The following TANC2 variants were observed in gnomAD, a reference collection of about 807,000 sequenced individuals.
The protein encoded by TANC2 is protein TANC2.
TANC2 carries 26 observed loss-of-function variants against 210.5 expected under a neutral mutation model. That is an observed-to-expected ratio of 0.12 (90% CI 0.09 to 0.17). The LOEUF (loss-of-function observed/expected upper bound fraction) is 0.17, where lower values mean the gene tolerates loss of function less well. Ranked by LOEUF, TANC2 falls within the 10% of genes least tolerant of loss-of-function variation. TANC2 has a pLI of 1.00. For synonymous variants in TANC2, 931 were observed against 967.1 expected (o/e 0.96, Z 0.69); for missense variants, 2,129 against 2,608.9 (o/e 0.82, Z 4.01).
At chr17:63,023,820 T>C (rs1304179522) in intron 2 of TANC2, among the ~76,000 whole-genome samples, 4 of 152,186 alleles carry the variant, frequency 2.6e-5, no homozygotes, top group African/African-American at 9.7e-5. Flanking sequence ...TAAAATAAAA[T>C]GTGACTGGAG....
intron 4 of TANC2, among the ~76,000 whole-genome samples, chr17:63,137,354 T>G (rs560851202): frequency 4.6e-5 from 7 of 152,336 alleles, no homozygotes; most frequent in Non-Finnish European, 8.8e-5. Context: ...TGATTTCTTT[T>G]GTGTTGTATA....
chr17:63,413,004 A>T (rs2048750853), intron 24 of TANC2, among the ~76,000 whole-genome samples: 1 of 152,080 alleles, frequency 6.6e-6, no homozygotes, highest in Non-Finnish European at 1.5e-5. Flanking sequence ...TTCACATCTG[A>T]TTGACATTCG....
At chr17:63,034,838 C>T (rs1247617960) in intron 2 of TANC2, among the ~76,000 whole-genome samples, 1 of 152,170 alleles carries the variant, frequency 6.6e-6, no homozygotes, top group Non-Finnish European at 1.5e-5. Context: ...TGAGAAGTTA[C>T]TTACAGATGT....
intron 2 of TANC2, among the ~76,000 whole-genome samples, chr17:63,029,246 A>G (rs1333507545): frequency 1.3e-5 from 2 of 152,042 alleles, no homozygotes; most frequent in African/African-American, 2.4e-5. Flanking sequence ...TAAAGATTTT[A>G]TTTTTGGACT....
intron 5 of TANC2, among the ~76,000 whole-genome samples, chr17:63,162,767 A>G (rs1297053761): frequency 6.6e-6 from 1 of 152,114 alleles, no homozygotes; most frequent in East Asian, 1.9e-4. Context: ...TAACCAGCTG[A>G]AAGTGAGGAT....
chr17:63,212,998 T>C (rs1475170442), intron 7 of TANC2, among the ~76,000 whole-genome samples: 1 of 152,242 alleles, frequency 6.6e-6, no homozygotes, highest in Non-Finnish European at 1.5e-5. Flanking sequence ...GTAACTAATA[T>C]TGTCACCCTT....
intron 11 of TANC2, among the ~76,000 whole-genome samples, chr17:63,319,575 C>A (rs2045429269): frequency 1.3e-5 from 2 of 152,116 alleles, no homozygotes; most frequent in Non-Finnish European, 2.9e-5. Flanking sequence ...TCTCTCAAAC[C>A]CCTTATCTCA....
chr17:63,279,107 C>G (rs949993695), intron 9 of TANC2, among the ~76,000 whole-genome samples: 6 of 152,074 alleles, frequency 3.9e-5, no homozygotes, highest in Non-Finnish European at 8.8e-5. Context: ...AGCCTCTCCC[C>G]CTATGGAAGA....
intron 3 of TANC2, among the ~76,000 whole-genome samples, chr17:63,098,781 A>G (rs1415071452): frequency 6.6e-6 from 1 of 152,028 alleles, no homozygotes; most frequent in Non-Finnish European, 1.5e-5. Context: ...GGAGAAAGAA[A>G]TAGAGTTACA....
chr17:63,080,445 A>G (rs985645564), intron 3 of TANC2, among the ~76,000 whole-genome samples: 1 of 152,254 alleles, frequency 6.6e-6, no homozygotes, highest in African/African-American at 2.4e-5. Flanking sequence ...CTGGTGTACA[A>G]GATGTGTACT....
intron 9 of TANC2, among the ~76,000 whole-genome samples, chr17:63,276,941 A>G (rs1029428588): frequency 2.0e-5 from 3 of 152,220 alleles, no homozygotes; most frequent in African/African-American, 7.2e-5. Flanking sequence ...TAATAGCAGT[A>G]CATTGGCTTA....
intron 12 of TANC2, among the ~76,000 whole-genome samples, chr17:63,347,560 A>G (rs999044588): frequency 6.6e-6 from 1 of 152,212 alleles, no homozygotes; most frequent in African/African-American, 2.4e-5. Context: ...AACACTTTCA[A>G]TTTAGAGTCA....
chr17:63,069,442 T>C (rs1238871625), intron 2 of TANC2, among the ~76,000 whole-genome samples: 1 of 152,128 alleles, frequency 6.6e-6, no homozygotes, highest in South Asian at 2.1e-4. Flanking sequence ...ATTTAGAGAC[T>C]ACAAAGTGCT....
At chr17:63,335,827 A>G (rs935184159) in intron 11 of TANC2, among the ~76,000 whole-genome samples, 2 of 152,264 alleles carry the variant, frequency 1.3e-5, no homozygotes, top group African/African-American at 4.8e-5. Context: ...TAATTTTGCT[A>G]TGGTTATGTA....
At chr17:63,177,750 C>T (rs2145624144) in intron 5 of TANC2, among the ~76,000 whole-genome samples, 1 of 152,200 alleles carries the variant, frequency 6.6e-6, no homozygotes, top group Non-Finnish European at 1.5e-5. Flanking sequence ...GGGGTATCAG[C>T]CAGGAGCTTC....
intron 4 of TANC2, among the ~76,000 whole-genome samples, chr17:63,116,580 G>A (rs574651229): frequency 2.6e-5 from 4 of 152,308 alleles, no homozygotes; most frequent in East Asian, 3.9e-4. Flanking sequence ...AGTGAAGTAA[G>A]TGTCTTTTGA....
intron 2 of TANC2, among the ~76,000 whole-genome samples, chr17:63,018,492 A>T (rs954776366): frequency 2.0e-5 from 3 of 150,090 alleles, no homozygotes; most frequent in East Asian, 2.0e-4. Context: ...AAAAAAAAAA[A>T]TAAATAAATA....
At chr17:62,973,190 C>A (rs538358755) in intron 1 of TANC2, among the ~76,000 whole-genome samples, 17 of 152,132 alleles carry the variant, frequency 1.1e-4, no homozygotes, top group Non-Finnish European at 1.9e-4. Context: ...CCACCATGCC[C>A]AGCTAATTTT....
At chr17:63,236,000 A>G (rs2042610428) in intron 7 of TANC2, among the ~76,000 whole-genome samples, 1 of 152,072 alleles carries the variant, frequency 6.6e-6, no homozygotes, top group Non-Finnish European at 1.5e-5. Flanking sequence ...TTAGAGCTAC[A>G]GAGATCTGTA....
Sources: allele counts gnomAD v4.1 joint callset (sites outside exome capture counted in the v4.1 genomes callset), GRCh38; gene constraint gnomAD v4.1.1; transcripts MANE v1.5; gene names NCBI Gene and HGNC (gene_info 2026-07-23, HGNC 2026-07-21).